Variants in PDE7B observed in about 807,000 individuals in gnomAD.
The protein encoded by PDE7B is 3',5'-cyclic-AMP phosphodiesterase 7B.
PDE7B carries 29 observed loss-of-function variants against 56.2 expected under a neutral mutation model. The ratio of observed to expected loss-of-function variants is 0.52; its 90% CI spans 0.38 to 0.70. The LOEUF is 0.70. Ranked by LOEUF, PDE7B falls within the 30% of genes least tolerant of loss-of-function variation. PDE7B has a pLI of 0.00. For missense variants in PDE7B, 490 were observed against 565.0 expected, an observed-to-expected ratio of 0.87 and a Z score of 1.35; for synonymous variants, 197 against 196.9, an observed-to-expected ratio of 1.00 and a Z score of 0.00.
At chr6:136,086,847 G>A (rs1411479360) in intron 2 of PDE7B, among the ~76,000 whole-genome samples, 1 of 152,210 alleles carries the variant, frequency 6.6e-6, no homozygotes, top group Non-Finnish European at 1.5e-5. Context: ...ACGGTGCCAA[G>A]ATAGACGGAG....
intron 3 of PDE7B, among the ~76,000 whole-genome samples, chr6:136,110,580 T>G (rs990737386): frequency 6.6e-6 from 1 of 152,200 alleles, no homozygotes; most frequent in Non-Finnish European, 1.5e-5. Flanking sequence ...ATATTTCTGT[T>G]TATAATTCCA....
At chr6:136,087,940 T>C (rs1396585221) in intron 2 of PDE7B, among the ~76,000 whole-genome samples, 1 of 152,170 alleles carries the variant, frequency 6.6e-6, no homozygotes, top group Non-Finnish European at 1.5e-5. Flanking sequence ...CAAAAAAATA[T>C]ATATTATCCA....
At chr6:136,024,575 T>C (rs1484953197) in intron 2 of PDE7B, among the ~76,000 whole-genome samples, 1 of 152,158 alleles carries the variant, frequency 6.6e-6, no homozygotes, top group Non-Finnish European at 1.5e-5. Context: ...CAATGCCAGC[T>C]CCACAGAGAA....
intron 2 of PDE7B, among the ~76,000 whole-genome samples, chr6:136,051,832 T>C (rs561055974): frequency 6.6e-6 from 1 of 152,264 alleles, no homozygotes; most frequent in African/African-American, 2.4e-5. Context: ...ACCACCTCCA[T>C]TGCCCACCAC....
At chr6:135,945,111 C>T (rs1404056456) in intron 1 of PDE7B, among the ~76,000 whole-genome samples, 1 of 152,144 alleles carries the variant, frequency 6.6e-6, no homozygotes, top group Non-Finnish European at 1.5e-5. Context: ...ACAGGTAATG[C>T]AGAAAATGCA....
At chr6:135,853,393 C>T (rs1430783589) in intron 1 of PDE7B, among the ~76,000 whole-genome samples, 1 of 152,202 alleles carries the variant, frequency 6.6e-6, no homozygotes, top group Non-Finnish European at 1.5e-5. Context: ...TGCTTTTCTG[C>T]AGCGCCTAGT....
At chr6:136,155,024 A>G (rs978757049) in intron 7 of PDE7B, among the ~76,000 whole-genome samples, 1 of 152,192 alleles carries the variant, frequency 6.6e-6, no homozygotes, top group African/African-American at 2.4e-5. Context: ...TAAACATTGT[A>G]CTATGTCATA....
intron 1 of PDE7B, among the ~76,000 whole-genome samples, chr6:135,895,507 G>A (rs1039336766): frequency 1.1e-4 from 16 of 152,190 alleles, no homozygotes; most frequent in Non-Finnish European, 1.5e-4. Flanking sequence ...AAACTAGTAC[G>A]CTCCTTCTCA....
chr6:136,125,425 A>G (rs752953447), intron 3 of PDE7B, among the ~76,000 whole-genome samples: 3 of 152,030 alleles, frequency 2.0e-5, no homozygotes, highest in Non-Finnish European at 2.9e-5. Context: ...TTAGTCAGGC[A>G]TGGTGGTGCA....
rs1774615006 is a variant in PDE7B, at chr6:135,947,517, C to T, written c.75C>T (p.Cys25=). The part of the protein sequence containing the change: ...ENPDQNAKCV[C]MLGDIRLRGQ... ...CCGATCAGAATGCCAAATGTGTTTG[C>T]ATGCTGGGTAAGAAGGCTTCTCATT... Residue 25 remains cysteine, a synonymous_variant, in exon 2 of 13, where the codon TGC becomes TGT. Coordinates refer to ENST00000308191, the MANE Select transcript of PDE7B (RefSeq NM_018945.4). 6.2e-7 allele frequency: 1 copy of T among 1,608,906 alleles called. No individual in the cohort carries two copies. The highest frequency in any genetic ancestry group is 8.5e-7 in the Non-Finnish European group (1 of 1,175,500).
At chr6:136,008,566 C>G (rs1043244257) in intron 2 of PDE7B, among the ~76,000 whole-genome samples, 14 of 152,098 alleles carry the variant, frequency 9.2e-5, no homozygotes, top group Non-Finnish European at 1.5e-4. Context: ...GTTTTGATTT[C>G]CATTTCTCTG....
At chr6:135,924,295 G>A (rs1250114673) in intron 1 of PDE7B, among the ~76,000 whole-genome samples, 1 of 152,190 alleles carries the variant, frequency 6.6e-6, no homozygotes, top group African/African-American at 2.4e-5. Context: ...TAGAGAAATA[G>A]ATATAGTCTA....
intron 2 of PDE7B, among the ~76,000 whole-genome samples, chr6:135,956,883 C>CGGAAGGAAGGAAGGAAA (rs946665955): frequency 2.0e-5 from 3 of 150,378 alleles, no homozygotes; most frequent in African/African-American, 7.3e-5. Context: ...GAAATAAAGA[C>CGGAAGGAAGGAAGGAAA]GGAAGGAAGG....
Position 135,920,139 on chromosome 6 carries a change from A to G in PDE7B, c.22-27325A>G, listed in dbSNP as rs553521179. On this transcript the variant is annotated intron_variant, in intron 1 of 12. Transcript: ENST00000308191. ...TAATTTTAGCTTAGTCATTTTCTTT[A>G]ATAATTTTATAAGAATATTTGTCGT... Among the ~76,000 whole-genome samples, 15 of 152,248 alleles carry G rather than the reference A, an allele frequency of 9.9e-5. No individual in the cohort carries two copies. In the South Asian group the frequency reaches 3.1e-3, roughly 32 times the overall value.
intron 5 of PDE7B, among the ~76,000 whole-genome samples, chr6:136,149,545 A>G (rs1464635438): frequency 6.6e-6 from 1 of 152,216 alleles, no homozygotes; most frequent in Non-Finnish European, 1.5e-5. Context: ...AGTTTTATTA[A>G]GTGAGCTAAA....
chr6:136,074,233 A>G (rs1777094407), intron 2 of PDE7B, among the ~76,000 whole-genome samples: 1 of 149,188 alleles, frequency 6.7e-6, no homozygotes, highest in Admixed American at 6.7e-5. Context: ...CTTGTCTCAA[A>G]AAAAAAAAAA....
intron 2 of PDE7B, among the ~76,000 whole-genome samples, chr6:135,962,092 TG>T (rs1026674081): frequency 6.6e-6 from 1 of 152,116 alleles, no homozygotes; most frequent in African/African-American, 2.4e-5. Context: ...GTGTGGTATG[TG>T]GGGTATATGG....
intron 2 of PDE7B, among the ~76,000 whole-genome samples, chr6:135,955,747 GAC>G (rs1562451686): frequency 6.6e-6 from 1 of 152,146 alleles, no homozygotes; most frequent in Non-Finnish European, 1.5e-5. Flanking sequence ...CCTGAATTGA[GAC>G]AGTGTCAGAG....
chr6:135,963,113 G>A (rs116383009), intron 2 of PDE7B, among the ~76,000 whole-genome samples: 2,611 of 152,222 alleles, frequency 0.017, 68 homozygotes, highest in African/African-American at 0.059. Flanking sequence ...ATCGAAACAT[G>A]TAACACAGCC....
Sources: gnomAD v4.1 joint callset for allele counts (sites outside exome capture counted in the v4.1 genomes callset) on GRCh38, gnomAD v4.1.1 for gene constraint, MANE v1.5 for transcripts, NCBI Gene and HGNC (gene_info 2026-07-23, HGNC 2026-07-21) for gene names.